The following APBB1IP variants were observed in gnomAD, a reference collection of about 807,000 sequenced individuals.
The protein encoded by APBB1IP is amyloid beta A4 precursor protein-binding family B member 1-interacting protein.
Under a neutral mutation model 64.9 loss-of-function variants are expected in APBB1IP, and 27 were observed. The observed-to-expected ratio is 0.42, with a 90% CI of 0.31 to 0.57. APBB1IP has a LOEUF of 0.57. Among genes scored for constraint, APBB1IP ranks in the 20% least tolerant of loss-of-function variants. APBB1IP has a pLI of 0.20. For synonymous variants in APBB1IP, 392 were observed against 331.0 expected, an observed-to-expected ratio of 1.18 and a Z score of -2.00; for missense variants, 812 against 845.5, an observed-to-expected ratio of 0.96 and a Z score of 0.49.
intron 2 of APBB1IP, among the ~76,000 whole-genome samples, chr10:26,457,694 C>A (rs887435779): frequency 1.3e-4 from 20 of 152,148 alleles, no homozygotes; most frequent in Non-Finnish European, 2.9e-4. Context: ...GGTAGGGCTG[C>A]CTGGTGGAAA....
intron 11 of APBB1IP, among the ~76,000 whole-genome samples, chr10:26,548,825 C>T (rs993681233): frequency 1.3e-5 from 2 of 152,164 alleles, no homozygotes; most frequent in African/African-American, 4.8e-5. Flanking sequence ...AATTTGGATG[C>T]CTTTTCTTTC....
chr10:26,446,091 G>A (rs941225312), intron 2 of APBB1IP, among the ~76,000 whole-genome samples: 1 of 151,960 alleles, frequency 6.6e-6, no homozygotes, highest in African/African-American at 2.4e-5. Flanking sequence ...GTTATGTGGG[G>A]CAGAAGCGGG....
At chr10:26,462,178 T>C (rs543124150) in intron 2 of APBB1IP, among the ~76,000 whole-genome samples, 46 of 152,352 alleles carry the variant, frequency 3.0e-4, no homozygotes, top group African/African-American at 1.0e-3. Flanking sequence ...GTATTTGCTG[T>C]CTTGTCCCTT....
chr10:26,463,730 T>C (rs1589193877), intron 2 of APBB1IP, among the ~76,000 whole-genome samples: 1 of 152,180 alleles, frequency 6.6e-6, no homozygotes, highest in East Asian at 1.9e-4. Flanking sequence ...CCCATAGCAT[T>C]TTTAAAAAAT....
chr10:26,508,311 G>C (rs921034334), intron 6 of APBB1IP, among the ~76,000 whole-genome samples: 1 of 151,656 alleles, frequency 6.6e-6, no homozygotes, highest in African/African-American at 2.4e-5. Flanking sequence ...AACAGAATCA[G>C]ACTCATGCAT....
intron 2 of APBB1IP, among the ~76,000 whole-genome samples, chr10:26,451,209 T>A (rs2992259): frequency 6.6e-6 from 1 of 152,188 alleles, no homozygotes; most frequent in Non-Finnish European, 1.5e-5. Context: ...TGGAAGACAT[T>A]AAGGAAAGAA....
At chr10:26,527,880 T>C (rs1274321618) in intron 8 of APBB1IP, among the ~76,000 whole-genome samples, 1 of 151,916 alleles carries the variant, frequency 6.6e-6, no homozygotes, top group Non-Finnish European at 1.5e-5. Flanking sequence ...TTAGTAGAGA[T>C]GGGGTTTCAC....
chr10:26,558,983 GCCA>G (rs764824494), intron 11 of APBB1IP, among the ~76,000 whole-genome samples: 15 of 152,288 alleles, frequency 9.8e-5, no homozygotes, highest in Non-Finnish European at 1.9e-4. Context: ...CCATCTGGAA[GCCA>G]CTGGCCCACT....
chr10:26,509,293 G>A (rs77131199), intron 6 of APBB1IP, among the ~76,000 whole-genome samples: 3,981 of 146,582 alleles, frequency 0.027, 77 homozygotes, highest in Non-Finnish European at 0.04. Flanking sequence ...ATTTTCAAGG[G>A]GGAAAAAAAA....
chr10:26,491,630 T>G (rs1237193983), intron 2 of APBB1IP, among the ~76,000 whole-genome samples: 1 of 152,242 alleles, frequency 6.6e-6, no homozygotes, highest in Non-Finnish European at 1.5e-5. Context: ...GCCATTTAAG[T>G]TCTAAGGGTT....
intron 2 of APBB1IP, among the ~76,000 whole-genome samples, chr10:26,459,195 T>C (rs990679059): frequency 1.1e-4 from 16 of 150,120 alleles, no homozygotes; most frequent in Admixed American, 2.0e-4. Flanking sequence ...CGGTGTTTGG[T>C]TTTTTGTCCT....
intron 11 of APBB1IP, among the ~76,000 whole-genome samples, chr10:26,559,286 A>G (rs1255826266): frequency 6.6e-6 from 1 of 152,158 alleles, no homozygotes; most frequent in Non-Finnish European, 1.5e-5. Context: ...TTTACAGACA[A>G]GGGATGGTGG....
intron 8 of APBB1IP, among the ~76,000 whole-genome samples, chr10:26,518,652 A>T (rs1215802451): frequency 6.6e-6 from 1 of 152,032 alleles, no homozygotes; most frequent in Non-Finnish European, 1.5e-5. Flanking sequence ...TTTAAGTTGA[A>T]TTTTCCTGAT....
intron 6 of APBB1IP, among the ~76,000 whole-genome samples, chr10:26,504,277 A>G (rs548796867): frequency 5.6e-4 from 86 of 152,246 alleles, no homozygotes; most frequent in African/African-American, 1.9e-3. Flanking sequence ...CCTTAACCCA[A>G]CTTTCCTAAT....
intron 2 of APBB1IP, among the ~76,000 whole-genome samples, chr10:26,461,389 T>G (rs1835590308): frequency 6.6e-6 from 1 of 152,364 alleles, no homozygotes; most frequent in East Asian, 1.9e-4. Context: ...ATTTTTCTAC[T>G]GATTACTAAC....
chr10:26,515,370 A>C (rs548274894), intron 8 of APBB1IP, among the ~76,000 whole-genome samples: 9 of 152,290 alleles, frequency 5.9e-5, no homozygotes, highest in Admixed American at 2.6e-4. Flanking sequence ...CTTTGGTTCC[A>C]TGTTAGCTTT....
intron 2 of APBB1IP, among the ~76,000 whole-genome samples, chr10:26,454,801 G>A (rs4749141): frequency 0.4 from 60,725 of 152,084 alleles, 12,266 homozygotes; most frequent in South Asian, 0.5. Context: ...TGCATTGCAC[G>A]CCTGTATCCC....
rs72805209 is a variant in APBB1IP, at chr10:26,541,443, G to A, written c.1045-139G>A. ...TTGCCTTTGAGAAAACCTATACATG[G>A]CAGATGTTTATATAAATTACCTAAA... On this transcript the variant is annotated intron_variant, in intron 10 of 14. Coordinates refer to ENST00000376236, the MANE Select transcript of APBB1IP (RefSeq NM_019043.4). 585 of 659,898 alleles carry A rather than the reference G, an allele frequency of 8.9e-4. 2 individuals carry two copies. Among genetic ancestry groups the A allele is most frequent in the Middle Eastern group, 2.7e-3 (7 of 2,626 alleles). 40.9% of individuals were successfully genotyped at this position (659,898 alleles called of 1,614,324 possible). A position where few individuals can be genotyped will look rare whatever the true frequency, so the allele number is the denominator to read the frequency against.
In APBB1IP at chr10:26,508,827, C is replaced by CA. The variant is rs527442459; in HGVS notation, c.532-2913dup. On this transcript the variant is annotated intron_variant, in intron 6 of 14. Coordinates refer to ENST00000376236, the MANE Select transcript of APBB1IP (RefSeq NM_019043.4). Reference sequence around the variant, plus strand: ...GATTAACTCTAGTTTCCAATTTCTGCAAAAAAACACCTTTAATCATTGCCA... The same window carrying CA: ...GATTAACTCTAGTTTCCAATTTCTGCAAAAAAAACACCTTTAATCATTGCCA... 2.7e-3 allele frequency among the ~76,000 whole-genome samples: 416 copies of CA among 151,690 alleles called. 5 individuals are homozygous for CA. Among genetic ancestry groups the CA allele is most frequent in the African/African-American group, 8.6e-3 (357 of 41,358 alleles).
Sources: allele counts gnomAD v4.1 joint callset (sites outside exome capture counted in the v4.1 genomes callset), GRCh38; gene constraint gnomAD v4.1.1; transcripts MANE v1.5; gene names NCBI Gene and HGNC (gene_info 2026-07-23, HGNC 2026-07-21).